BTD: variants seen among roughly 807,000 people sequenced by gnomAD.
BTD encodes biocytinase.
BTD carries 13 observed loss-of-function variants against 17.7 expected under a neutral mutation model. The observed-to-expected ratio is 0.74, with a 90% confidence interval of 0.48 to 1.17. The LOEUF is 1.17. Among genes scored for constraint, BTD ranks in the 50% most tolerant of loss-of-function variants. BTD has a pLI of 0.00. For synonymous variants in BTD, 240 were observed against 245.2 expected, an observed-to-expected ratio of 0.98 and a Z score of 0.20; for missense variants, 674 against 650.4, an observed-to-expected ratio of 1.04 and a Z score of -0.39.
At position 15,653,009 on chromosome 3, in the gene BTD, A is replaced by T. The variant is rs1336538045; in HGVS notation, c.*7521A>T. Among the ~76,000 whole-genome samples the T allele has an allele frequency of 6.6e-6, 1 of 152,244 alleles. No homozygotes were observed. The highest frequency in any genetic ancestry group is 1.5e-5 in the Non-Finnish European group (1 of 68,050). On this transcript the variant is annotated 3_prime_UTR_variant, in exon 4 of 4. Coordinates refer to ENST00000643237, the MANE Select transcript of BTD (RefSeq NM_001370658.1). ...GAAGTTCTAGAGGAGGTATTCTGACAGTGGCCAGGAAAACCTCCTGCCCGC... is the reference window on the plus strand; with the variant it reads ...GAAGTTCTAGAGGAGGTATTCTGACTGTGGCCAGGAAAACCTCCTGCCCGC...
chr3:15,719,585 T>C (rs980746195), intron 4 of BTD, among the ~76,000 whole-genome samples: 6 of 152,204 alleles, frequency 3.9e-5, no homozygotes, highest in Admixed American at 6.5e-5. Flanking sequence ...TATTCATTCA[T>C]TTGAGGCAAG....
At chr3:15,697,273 G>C (rs1018295496) in intron 3 of BTD, 7 of 153,108 alleles carry the variant, frequency 4.6e-5, no homozygotes, top group Admixed American at 6.6e-5. Context: ...ATGGACTTTG[G>C]GGACTCAGGG....
intron 3 of BTD, among the ~76,000 whole-genome samples, chr3:15,675,483 CCAGGACACAA>C (rs2066842998): frequency 6.6e-6 from 1 of 151,936 alleles, no homozygotes; most frequent in Non-Finnish European, 1.5e-5. Flanking sequence ...AAATGTTACT[CCAGGACACAA>C]AAGAGAACTG....
chr3:15,696,558 C>T (rs547362192), intron 3 of BTD, among the ~76,000 whole-genome samples: 19 of 152,018 alleles, frequency 1.2e-4, no homozygotes, highest in South Asian at 1.0e-3. Context: ...TTCTACTAAA[C>T]AATGTTGGAT....
At chr3:15,698,477 A>G (rs999227018) in intron 3 of BTD, among the ~76,000 whole-genome samples, 3 of 152,250 alleles carry the variant, frequency 2.0e-5, no homozygotes, top group Non-Finnish European at 4.4e-5. Flanking sequence ...ACATGAATGT[A>G]TATTTAGAAA....
chr3:15,670,784 G>C (rs2066257194), intron 3 of BTD, among the ~76,000 whole-genome samples: 2 of 152,196 alleles, frequency 1.3e-5, no homozygotes, highest in Admixed American at 1.3e-4. Context: ...AGAGGAAGCA[G>C]GCCCAGAGAA....
At chr3:15,686,132 A>T in intron 3 of BTD, 1 of 1,610,194 alleles carries the variant, frequency 6.2e-7, no homozygotes, top group Non-Finnish European at 8.5e-7. Context: ...GAGCAACAAC[A>T]GGAATAGGTT....
chr3:15,707,883 T>C (rs2071671939), intron 3 of BTD: 14 of 1,579,344 alleles, frequency 8.9e-6, no homozygotes, highest in African/African-American at 1.3e-5. Flanking sequence ...TGCCAGTTTA[T>C]AGAAATATTG....
Position 15,630,670 on chromosome 3 carries a change from A to T in BTD, c.-16-4754A>T, listed in dbSNP as rs538862130. Among the ~76,000 whole-genome samples the T allele has an allele frequency of 6.6e-5, 10 of 152,316 alleles. No homozygotes were observed. The South Asian group carries it at 2.1e-3, about 32-fold the overall frequency. On this transcript the variant is annotated intron_variant, in intron 1 of 3. Transcript: ENST00000643237. ...CTTCTGTATATCATTCTCTTTTTTTAAAATAATAGCTGGAATTTTTTTTGA... is the reference window on the plus strand; with the variant it reads ...CTTCTGTATATCATTCTCTTTTTTTTAAATAATAGCTGGAATTTTTTTTGA...
At chr3:15,706,091 A>C (rs2071340908) in intron 3 of BTD, among the ~76,000 whole-genome samples, 1 of 151,994 alleles carries the variant, frequency 6.6e-6, no homozygotes. Flanking sequence ...GTGATTCTGA[A>C]ATCTTTTTTT....
At chr3:15,675,794 T>C in intron 3 of BTD, 1 of 968,902 alleles carries the variant, frequency 1.0e-6, no homozygotes, top group South Asian at 2.1e-5. Context: ...TAACTTTAGC[T>C]CTCCTCTTTG....
At chr3:15,677,393 G>A in intron 3 of BTD, 1 of 940,516 alleles carries the variant, frequency 1.1e-6, no homozygotes, top group Non-Finnish European at 1.7e-6. Flanking sequence ...GTTTGGTCCT[G>A]AGTTGTTCAT....
chr3:15,658,167 T>TA (rs72190740), downstream of BTD, among the ~76,000 whole-genome samples: 22,836 of 129,984 alleles, frequency 0.18, 2,805 homozygotes, highest in African/African-American at 0.36. Flanking sequence ...AGACTCCATC[T>TA]AAAAAAAAAA....
In BTD at chr3:15,635,600, T is replaced by C; in HGVS notation, c.161T>C (p.Leu54Pro). The C allele has an allele frequency of 3.1e-6, 5 of 1,614,228 alleles. No individual in the cohort carries two copies. Among genetic ancestry groups the C allele is most frequent in the Non-Finnish European group, 4.2e-6 (5 of 1,180,042 alleles). Reference protein sequence around the residue: ...EHPSILSLNPLALISRQEALE... With the variant: ...EHPSILSLNPPALISRQEALE... ...CCATCCATCCTGAGTCTGAACCCTC[T>C]GGCTCTCATCAGCCGCCAAGAGGCC... Residue 54 changes from leucine (L) to proline (P), a missense_variant, in exon 2 of 4, where the codon CTG becomes CCG. By Grantham distance (98) the Leu-to-Pro change is moderately conservative (BLOSUM62 -3). Coordinates refer to ENST00000643237, the MANE Select transcript of BTD (RefSeq NM_001370658.1). This position sits in a 1 kb window ranked among gnomAD's most constrained non-coding sequence, Gnocchi z 4.1.
intron 3 of BTD, chr3:15,685,215 G>A: frequency 6.2e-7 from 1 of 1,611,546 alleles, no homozygotes; most frequent in Non-Finnish European, 8.5e-7. Context: ...ATTTGTGTTT[G>A]TATACTTAAC....
At chr3:15,705,236 A>AC (rs2125997211) in intron 3 of BTD, among the ~76,000 whole-genome samples, 1 of 152,308 alleles carries the variant, frequency 6.6e-6, no homozygotes, top group African/African-American at 2.4e-5. Flanking sequence ...TTTTAGTACT[A>AC]GTACCCTTCT....
intron 3 of BTD, among the ~76,000 whole-genome samples, chr3:15,672,594 C>T (rs1256919648): frequency 6.6e-6 from 1 of 152,190 alleles, no homozygotes; most frequent in Non-Finnish European, 1.5e-5. Flanking sequence ...GGGAGTGCTT[C>T]ACTGCCCACA....
At position 15,652,593 on chromosome 3, in the gene BTD, T is replaced by G. The variant is rs1388273108; in HGVS notation, c.*7105T>G. 2.6e-5 allele frequency among the ~76,000 whole-genome samples: 4 copies of G among 152,244 alleles called. No homozygotes were observed. Among genetic ancestry groups the G allele is most frequent in the Non-Finnish European group, 5.9e-5 (4 of 68,050 alleles). On this transcript the variant is annotated 3_prime_UTR_variant, in exon 4 of 4. Transcript: ENST00000643237. ...CGGAACCACCCCACAAAGTCACTCT[T>G]GATTTCCTAAGTCTCAGAAACTATA...
Position 15,719,596 on chromosome 3 carries a change from G to T in BTD, c.1016-2174G>T, listed in dbSNP as rs906119034. Among the ~76,000 whole-genome samples the T allele has an allele frequency of 2.0e-5, 3 of 152,214 alleles. No individual in the cohort carries two copies. In the East Asian group the frequency reaches 5.8e-4, roughly 29 times the overall value. On this transcript the variant is annotated intron_variant, in intron 4 of 4. Coordinates refer to the BTD transcript ENST00000672427. The stretch of plus-strand genomic sequence containing the variant: ...AGAATATTCATTCATTTGAGGCAAG[G>T]TCTCACCTGTCGCCCAGGCTAGAGT...
Sources: allele counts gnomAD v4.1 joint callset (sites outside exome capture counted in the v4.1 genomes callset), GRCh38; gene constraint gnomAD v4.1.1; non-coding constraint Gnocchi (gnomAD v3.1); transcripts MANE v1.5; gene names NCBI Gene and HGNC (gene_info 2026-07-23, HGNC 2026-07-21).